Variants in NCK2 observed in about 807,000 individuals in gnomAD.
NCK2 encodes the protein NCK adaptor protein 2.
Under a neutral mutation model 33.9 loss-of-function variants are expected in NCK2, and 16 were observed. The observed-to-expected ratio is 0.47, with a 90% CI of 0.32 to 0.72. The LOEUF (loss-of-function observed/expected upper bound fraction) is 0.72, where lower values mean the gene tolerates loss of function less well. NCK2 is among the 30% of genes least tolerant of loss of function. The pLI is 0.03. For missense variants in NCK2, 418 were observed against 537.3 expected (o/e 0.78, Z 2.19); for synonymous variants, 273 against 239.9 (o/e 1.14, Z -1.27).
intron 1 of NCK2, among the ~76,000 whole-genome samples, chr2:105,803,407 G>A (rs1452431513): frequency 6.6e-6 from 1 of 152,214 alleles, no homozygotes; most frequent in Non-Finnish European, 1.5e-5. Flanking sequence ...GGCCACTTCT[G>A]TGCTGTGCCT....
chr2:105,760,946 A>G (rs1489107196), intron 1 of NCK2, among the ~76,000 whole-genome samples: 1 of 152,166 alleles, frequency 6.6e-6, no homozygotes, highest in East Asian at 1.9e-4. Flanking sequence ...CCCTGGTTGA[A>G]GTGGGAGGGC....
chr2:105,749,308 A>G (rs188886903), intron 1 of NCK2, among the ~76,000 whole-genome samples: 73 of 152,332 alleles, frequency 4.8e-4, no homozygotes, highest in Middle Eastern at 6.8e-3. Context: ...TAAGTATTGC[A>G]GTTGCTTCTT....
chr2:105,860,394 C>T (rs1366060842), intron 3 of NCK2, among the ~76,000 whole-genome samples: 1 of 152,206 alleles, frequency 6.6e-6, no homozygotes, highest in Admixed American at 6.5e-5. Flanking sequence ...TGCCAGCCTC[C>T]GTCCCAGAGG....
chr2:105,843,706 T>C (rs1676738227), intron 2 of NCK2, among the ~76,000 whole-genome samples: 1 of 152,098 alleles, frequency 6.6e-6, no homozygotes, highest in African/African-American at 2.4e-5. Flanking sequence ...TAGCCCAGAG[T>C]ATAAAATAGC....
At position 105,893,231 on chromosome 2, in the gene NCK2, G is replaced by A. The variant is rs913708807; in HGVS notation, c.*55G>A. 5.4e-6 allele frequency: 8 copies of A among 1,493,032 alleles called. No individual in the cohort carries two copies. Among genetic ancestry groups the A allele is most frequent in the South Asian group, 1.3e-5 (1 of 79,506 alleles). The allele number at this position is 1,493,032 out of a possible 1,614,324, so 92.5% of individuals were successfully genotyped here. ...GGCCCCACGGTGGAGCTGCCCGCCC[G>A]GCCTTGTGGCAGAGGCTCCTCCCGC... is the stretch of plus-strand genomic sequence containing the variant. On this transcript the variant is annotated 3_prime_UTR_variant, in exon 5 of 5. Transcript: ENST00000233154.
rs1180667504 is a variant in NCK2 at position 105,745,091 on chromosome 2, C to G, written c.-248C>G. ...GGCGGGCGCAGCGCGGCCACCGCCC[C>G]GGGACCCGCGCCGCTGCCCTCCGGC... is the stretch of plus-strand genomic sequence containing the variant. On this transcript the variant is annotated 5_prime_UTR_variant, in exon 1 of 5. Coordinates refer to ENST00000233154, the MANE Select transcript of NCK2 (RefSeq NM_003581.5). 2 of 147,494 alleles carry G rather than the reference C, an allele frequency of 1.4e-5. No individual in the cohort carries two copies. The highest frequency in any genetic ancestry group is 3.0e-5 in the Non-Finnish European group (2 of 66,250). 9.1% of individuals were successfully genotyped at this position (147,494 alleles called of 1,614,324 possible).
rs2104701205 is a variant in NCK2 at position 105,894,207 on chromosome 2, T to C, written c.*1031T>C. 1 of 152,734 alleles carries C rather than the reference T, an allele frequency of 6.5e-6. No individual in the cohort carries two copies. Among genetic ancestry groups the C allele is most frequent in the Non-Finnish European group, 1.5e-5 (1 of 68,034 alleles). The allele number at this position is 152,734 out of a possible 1,614,324, so 9.5% of individuals were successfully genotyped here. Reference sequence around the variant, plus strand: ...CATTCCTACGATTGAAGAAGGGGTCTTGAGATCCCCTAAACTTGCATACCC... The same window carrying C: ...CATTCCTACGATTGAAGAAGGGGTCCTGAGATCCCCTAAACTTGCATACCC... On this transcript the variant is annotated 3_prime_UTR_variant, in exon 5 of 5. Transcript: ENST00000233154.
In NCK2 at chr2:105,773,331, C is replaced by T. The variant is rs574146117; in HGVS notation, c.-201+28193C>T. On this transcript the variant is annotated intron_variant, in intron 1 of 4. Transcript: ENST00000233154. ...CTTGTCCCTCTCCTTTCCAGCCACC[C>T]GCTTGAGGCAGACCTGTCTTCTCGC... is the stretch of plus-strand genomic sequence containing the variant. 7.9e-5 allele frequency among the ~76,000 whole-genome samples: 12 copies of T among 152,242 alleles called. No individual in the cohort carries two copies. In the East Asian group the frequency reaches 1.7e-3, roughly 22 times the overall value.
intron 1 of NCK2, among the ~76,000 whole-genome samples, chr2:105,763,685 G>A (rs1689839536): frequency 6.6e-6 from 1 of 152,188 alleles, no homozygotes; most frequent in Non-Finnish European, 1.5e-5. Flanking sequence ...TCCAGTATCA[G>A]GACAGTGTAA....
chr2:105,856,207 C>G (rs1375059012), intron 3 of NCK2, among the ~76,000 whole-genome samples: 5 of 152,232 alleles, frequency 3.3e-5, no homozygotes, highest in African/African-American at 1.2e-4. Flanking sequence ...ACAAAGTTAA[C>G]AGTATCCAGT....
intron 1 of NCK2, among the ~76,000 whole-genome samples, chr2:105,751,356 T>C (rs1349401366): frequency 6.6e-6 from 1 of 152,176 alleles, no homozygotes; most frequent in East Asian, 1.9e-4. Context: ...TCAAAACCAC[T>C]TTTTAACCAT....
chr2:105,750,037 A>AACACACACACACAC (rs72315025), intron 1 of NCK2, among the ~76,000 whole-genome samples: 4,060 of 144,478 alleles, frequency 0.028, 69 homozygotes, highest in East Asian at 0.067. Flanking sequence ...AAAGCAAACA[A>AACACACACACACAC]ACACACACAC....
chr2:105,767,071 C>T (rs1299688222), intron 1 of NCK2, among the ~76,000 whole-genome samples: 1 of 152,170 alleles, frequency 6.6e-6, no homozygotes, highest in African/African-American at 2.4e-5. Context: ...GGTTCAGGCC[C>T]ACACACACCA....
At chr2:105,863,632 A>G (rs932274534) in intron 3 of NCK2, among the ~76,000 whole-genome samples, 3 of 152,164 alleles carry the variant, frequency 2.0e-5, no homozygotes, top group Non-Finnish European at 4.4e-5. Context: ...TACTGGCACA[A>G]GATGGACAGT....
intron 1 of NCK2, among the ~76,000 whole-genome samples, chr2:105,745,503 A>AGGCG (rs1047398822): frequency 9.9e-5 from 15 of 151,950 alleles, no homozygotes; most frequent in Admixed American, 7.2e-4. Context: ...CCTGGCCTGC[A>AGGCG]GGCGGGCGGC....
chr2:105,830,219 C>T (rs866999146), intron 2 of NCK2, among the ~76,000 whole-genome samples: 102 of 152,070 alleles, frequency 6.7e-4, no homozygotes, highest in Middle Eastern at 3.4e-3. Context: ...TTTTCCTATT[C>T]CTCCCTCTCC....
intron 4 of NCK2, among the ~76,000 whole-genome samples, chr2:105,885,451 T>C (rs1410973791): frequency 6.6e-6 from 1 of 152,222 alleles, no homozygotes; most frequent in African/African-American, 2.4e-5. Context: ...AGTTATAATA[T>C]TTCTTAAAGA....
At chr2:105,830,671 G>GTA (rs1491152518) in intron 2 of NCK2, among the ~76,000 whole-genome samples, 1 of 22,618 alleles carries the variant, frequency 4.4e-5, no homozygotes, top group African/African-American at 1.2e-4. Context: ...CAGGAATTTG[G>GTA]TGTGTGTGTG....
chr2:105,881,366 G>T lies in NCK2; in HGVS notation c.265G>T (p.Ala89Ser). ...KTRRKTSARD[A>S]SPTPSTDAEY... Reference sequence around the variant, plus strand: ...GCGCAGGAAGACCAGCGCGCGGGATGCGTCCCCCACGCCCAGCACGGACGC... The same window carrying T: ...GCGCAGGAAGACCAGCGCGCGGGATTCGTCCCCCACGCCCAGCACGGACGC... Residue 89 changes from alanine to serine, a missense_variant, in exon 4 of 5, where the codon GCG (alanine) becomes TCG (serine). Physicochemically the swap from Ala to Ser is moderately conservative, Grantham distance 99. Transcript: ENST00000233154. 1 of 1,608,026 alleles carries T rather than the reference G, an allele frequency of 6.2e-7. No individual in the cohort carries two copies.
Sources: allele counts gnomAD v4.1 joint callset (sites outside exome capture counted in the v4.1 genomes callset), GRCh38; gene constraint gnomAD v4.1.1; transcripts MANE v1.5; gene names NCBI Gene and HGNC (gene_info 2026-07-23, HGNC 2026-07-21).